Variants in SEL1L3 observed in about 807,000 individuals in gnomAD.
The protein encoded by SEL1L3 is SEL1L family member 3.
A neutral mutation model predicts 142.8 loss-of-function variants in SEL1L3; 76 were observed. The ratio of observed to expected loss-of-function variants is 0.53; its 90% CI spans 0.44 to 0.64. The LOEUF is 0.64. Among genes scored for constraint, SEL1L3 ranks in the 30% least tolerant of loss-of-function variants. The pLI, the probability that SEL1L3 is intolerant of heterozygous loss-of-function variation, is 0.00. For missense variants in SEL1L3, 1,262 were observed against 1,381.7 expected, an observed-to-expected ratio of 0.91 and a Z score of 1.37; for synonymous variants, 504 against 519.6, an observed-to-expected ratio of 0.97 and a Z score of 0.41.
chr4:25,717,589 C>T, the SEL1L3 span, among the ~76,000 whole-genome samples: 1 of 152,166 alleles, frequency 6.6e-6, no homozygotes, highest in East Asian at 1.9e-4. Context: ...TCACTTGAAC[C>T]CGGGAGGTGG....
At chr4:25,824,200 A>G (rs1032237590) in intron 6 of SEL1L3, among the ~76,000 whole-genome samples, 2 of 152,140 alleles carry the variant, frequency 1.3e-5, no homozygotes, top group African/African-American at 4.8e-5. Context: ...AGACATGAAC[A>G]TTCCAACAAC....
At chr4:25,838,081 A>G (rs1715948566) in intron 2 of SEL1L3, among the ~76,000 whole-genome samples, 1 of 152,204 alleles carries the variant, frequency 6.6e-6, no homozygotes. Flanking sequence ...TGATGAATGA[A>G]TGAATATAGG....
chr4:25,859,498 G>A (rs1196630552), intron 1 of SEL1L3, among the ~76,000 whole-genome samples: 2 of 152,142 alleles, frequency 1.3e-5, no homozygotes, highest in Admixed American at 1.3e-4. Context: ...GAGACGGAAG[G>A]CACCCACTCC....
At chr4:25,779,318 C>T (rs1560293434) in intron 15 of SEL1L3, 115 bp from the exon 16 acceptor site, 17 of 1,182,188 alleles carry the variant, frequency 1.4e-5, no homozygotes, top group Non-Finnish European at 3.5e-6. Context: ...CTTCTGATAG[C>T]TTTAAAACCA....
intron 17 of SEL1L3, among the ~76,000 whole-genome samples, chr4:25,769,038 G>A (rs189228758): frequency 2.0e-5 from 3 of 151,576 alleles, no homozygotes; most frequent in East Asian, 3.9e-4. Flanking sequence ...ATTTTTATAC[G>A]TTACCTAGCT....
Position 25,839,413 on chromosome 4 carries a change from T to C in SEL1L3, c.734-4090A>G, listed in dbSNP as rs75243698. Among the ~76,000 whole-genome samples, 989 of 152,300 alleles carry C rather than the reference T, an allele frequency of 6.5e-3. 9 individuals are homozygous for C. Among genetic ancestry groups the C allele is most frequent in the African/African-American group, 0.023 (939 of 41,560 alleles). ...ATGTACAGGGATGTTCAGTGAAGCC[T>C]TGTGGTTAAAAGCAACAGCATGATC... On this transcript the variant is annotated intron_variant, in intron 2 of 23. Coordinates refer to ENST00000399878, the MANE Select transcript of SEL1L3 (RefSeq NM_015187.5).
chr4:25,833,131 C>T (rs1560341782), intron 4 of SEL1L3, 21 bp from the exon 5 acceptor site: 13 of 1,409,582 alleles, frequency 9.2e-6, no homozygotes, highest in Non-Finnish European at 9.0e-6. Flanking sequence ...AATTCGAGCA[C>T]ATGAAAATGA....
chr4:25,819,314 G>A (rs1040818913), intron 8 of SEL1L3, among the ~76,000 whole-genome samples: 1 of 150,548 alleles, frequency 6.6e-6, no homozygotes, highest in East Asian at 1.9e-4. Context: ...CGATGTCTTC[G>A]AGAATGAGTC....
At chr4:25,857,453 T>C (rs1258272126) in intron 1 of SEL1L3, among the ~76,000 whole-genome samples, 2 of 152,242 alleles carry the variant, frequency 1.3e-5, no homozygotes, top group Non-Finnish European at 2.9e-5. Flanking sequence ...TACTGTGTAC[T>C]GAGCACTGGG....
At chr4:25,848,562 A>T (rs1310269046) in intron 1 of SEL1L3, among the ~76,000 whole-genome samples, 1 of 152,232 alleles carries the variant, frequency 6.6e-6, no homozygotes, top group African/African-American at 2.4e-5. Context: ...CAAGGTTTTG[A>T]GCATGAGGTG....
At chr4:25,776,684 T>A (rs980100587) in intron 16 of SEL1L3, 15 of 190,610 alleles carry the variant, frequency 7.9e-5, no homozygotes, top group South Asian at 1.1e-4. Context: ...GTTTACTGAC[T>A]TATTATTAGC....
rs1462829816 is a variant in SEL1L3 at position 25,782,228 on chromosome 4, C to T, written c.2457+14G>A. 3 of 1,610,428 alleles carry T rather than the reference C, an allele frequency of 1.9e-6. No homozygotes were observed. The highest frequency in any genetic ancestry group is 2.2e-5 in the South Asian group (2 of 90,856). ...GACTGACTAGTTGCAGAGTGGGTCT[C>T]AAGTCCTACTCACTTGATTCCTTCC... is the stretch of plus-strand genomic sequence containing the variant. On this transcript the variant is annotated intron_variant, in intron 15 of 23. Transcript: ENST00000399878.
chr4:25,762,363 G>C (rs778901817), intron 20 of SEL1L3, among the ~76,000 whole-genome samples: 25 of 152,334 alleles, frequency 1.6e-4, no homozygotes, highest in Non-Finnish European at 3.1e-4. Context: ...AGCACTAGCT[G>C]TAATTCCAAC....
At chr4:25,740,881 T>C in the SEL1L3 span, among the ~76,000 whole-genome samples, 2 of 151,764 alleles carry the variant, frequency 1.3e-5, no homozygotes, top group Non-Finnish European at 2.9e-5. Flanking sequence ...GCCTCCTGGG[T>C]TCAAGGGATT....
At position 25,839,782 on chromosome 4, in the gene SEL1L3, G is replaced by A. The variant is rs544354821; in HGVS notation, c.734-4459C>T. Among the ~76,000 whole-genome samples, 14 of 151,932 alleles carry A rather than the reference G, an allele frequency of 9.2e-5. 1 individual carries two copies. The highest frequency in any genetic ancestry group is 5.3e-4 in the Admixed American group (8 of 15,218). On this transcript the variant is annotated intron_variant, in intron 2 of 23. Transcript: ENST00000399878. ...CTATTTAAATTTTTTTATTGTTACC[G>A]TGTACACGTATTACTTTTTCGTCTA...
At chr4:25,779,382 T>C (rs1186036522) in intron 15 of SEL1L3, among the ~76,000 whole-genome samples, 179 bp from the exon 16 acceptor site, 1 of 152,230 alleles carries the variant, frequency 6.6e-6, no homozygotes, top group Non-Finnish European at 1.5e-5. Context: ...GCCTCTGAGA[T>C]GTATGACCTT....
At chr4:25,736,770 T>C in the SEL1L3 span, among the ~76,000 whole-genome samples, 2 of 152,148 alleles carry the variant, frequency 1.3e-5, no homozygotes, top group Admixed American at 6.5e-5. Context: ...TGTAGGTTTG[T>C]CTATTTCTTC....
At chr4:25,768,644 G>C (rs1718930670) in intron 17 of SEL1L3, among the ~76,000 whole-genome samples, 1 of 152,134 alleles carries the variant, frequency 6.6e-6, no homozygotes, top group Admixed American at 6.5e-5. Flanking sequence ...GTTCATGGTA[G>C]AGCTGTGTAT....
At chr4:25,831,491 A>T (rs1429239644) in intron 5 of SEL1L3, among the ~76,000 whole-genome samples, 9 of 134,836 alleles carry the variant, frequency 6.7e-5, no homozygotes, top group Admixed American at 4.6e-4. Flanking sequence ...AATTATTTTT[A>T]AATAATAATA....
Sources: gnomAD v4.1 joint callset for allele counts (sites outside exome capture counted in the v4.1 genomes callset) on GRCh38, gnomAD v4.1.1 for gene constraint, MANE v1.5 for transcripts, NCBI Gene and HGNC (gene_info 2026-07-23, HGNC 2026-07-21) for gene names.